Variants in CSMD2 observed in about 807,000 individuals in gnomAD.
CSMD2 encodes the protein CUB and Sushi multiple domains 2, also known as CUB and sushi domain-containing protein 2.
CSMD2 carries 130 observed loss-of-function variants against 398.5 expected under a neutral mutation model. The observed-to-expected ratio is 0.33, with a 90% confidence interval of 0.28 to 0.38. The LOEUF (loss-of-function observed/expected upper bound fraction) is 0.38. Ranked by LOEUF, CSMD2 falls within the 10% of genes least tolerant of loss-of-function variation. The pLI, the probability that CSMD2 is intolerant of heterozygous loss-of-function variation, is 1.00. For missense variants in CSMD2, 3,829 were observed against 4,764.9 expected (o/e 0.80, Z 5.78); for synonymous variants, 1,828 against 1,908.5 (o/e 0.96, Z 1.10).
chr1:33,831,474 C>T lies in CSMD2; in HGVS notation c.1034-5700G>A, dbSNP rs539848693. Among the ~76,000 whole-genome samples, 200 of 152,046 alleles carry T rather than the reference C, an allele frequency of 1.3e-3. 1 individual carries two copies. The highest frequency in any genetic ancestry group is 4.5e-3 in the African/African-American group (188 of 41,468). On this transcript the variant is annotated intron_variant, in intron 6 of 70. Transcript: ENST00000373381. ...ACAAGCAAATGCTGAGAGATTTTGTCACCACCAGGCCTGCCCTAAAAGAGC... is the reference window on the plus strand; with the variant it reads ...ACAAGCAAATGCTGAGAGATTTTGTTACCACCAGGCCTGCCCTAAAAGAGC...
At chr1:33,796,212 A>G (rs991650078) in intron 10 of CSMD2, among the ~76,000 whole-genome samples, 3 of 152,198 alleles carry the variant, frequency 2.0e-5, no homozygotes, top group Non-Finnish European at 4.4e-5. Flanking sequence ...ATGCGATTTC[A>G]TCACTCCAAG....
chr1:34,145,012 G>A (rs1205793191), intron 1 of CSMD2, among the ~76,000 whole-genome samples: 1 of 152,220 alleles, frequency 6.6e-6, no homozygotes, highest in African/African-American at 2.4e-5. Flanking sequence ...GGCCCTTGGG[G>A]GACACCAGAG....
intron 13 of CSMD2, 77 bp from the exon 14 acceptor site, chr1:33,743,683 C>G (rs535962821): frequency 9.5e-7 from 1 of 1,056,942 alleles, no homozygotes; most frequent in Non-Finnish European, 1.4e-6. Flanking sequence ...GCAGGGGGAA[C>G]ATCTTCTTAG....
chr1:33,908,257 C>G (rs1007985308), intron 5 of CSMD2, among the ~76,000 whole-genome samples: 7 of 152,114 alleles, frequency 4.6e-5, no homozygotes, highest in Non-Finnish European at 1.0e-4. Flanking sequence ...GTGGAACAAA[C>G]ATTCATGGCC....
rs562992427 is a variant in CSMD2 at position 33,520,592 on chromosome 1, G to A, written c.10598-642C>T. On this transcript the variant is annotated intron_variant, in intron 68 of 70. Coordinates refer to ENST00000373381, the MANE Select transcript of CSMD2 (RefSeq NM_001281956.2). ...CATCTTGCAGTAGGTGAAGGGTGCT[G>A]TGTGGAAGACAGTGGTCTCAGTCCA... 1.6e-3 allele frequency among the ~76,000 whole-genome samples: 248 copies of A among 152,334 alleles called. 1 individual carries two copies. Among genetic ancestry groups the A allele is most frequent in the African/African-American group, 5.5e-3 (229 of 41,566 alleles).
At chr1:33,740,681 C>T (rs557591460) in intron 14 of CSMD2, among the ~76,000 whole-genome samples, 5 of 152,228 alleles carry the variant, frequency 3.3e-5, no homozygotes, top group African/African-American at 1.2e-4. Flanking sequence ...ACTATGACCA[C>T]GAAGTCACCC....
At chr1:33,855,955 G>A (rs1273517053) in intron 5 of CSMD2, among the ~76,000 whole-genome samples, 2 of 152,206 alleles carry the variant, frequency 1.3e-5, no homozygotes, top group African/African-American at 2.4e-5. Flanking sequence ...CCAGGCCTTC[G>A]GAACCAGACA....
intron 3 of CSMD2, among the ~76,000 whole-genome samples, chr1:34,028,355 G>A (rs898044508): frequency 1.3e-5 from 2 of 152,040 alleles, no homozygotes; most frequent in African/African-American, 4.8e-5. Context: ...TATATTTGGG[G>A]TATACTTACA....
chr1:33,647,192 C>T (rs1016200376), intron 28 of CSMD2, among the ~76,000 whole-genome samples: 1 of 152,206 alleles, frequency 6.6e-6, no homozygotes, highest in Non-Finnish European at 1.5e-5. Flanking sequence ...TCTTACCTGA[C>T]ACTAATGTCC....
chr1:34,135,934 C>T (rs1311450122), intron 1 of CSMD2, among the ~76,000 whole-genome samples: 2 of 152,036 alleles, frequency 1.3e-5, no homozygotes, highest in Admixed American at 6.6e-5. Context: ...GCTTTTTTCA[C>T]CATATGCTCT....
intron 44 of CSMD2, among the ~76,000 whole-genome samples, chr1:33,591,130 A>C (rs926494254): frequency 1.3e-5 from 2 of 151,798 alleles, no homozygotes; most frequent in Non-Finnish European, 2.9e-5. Context: ...CTGGGATTAC[A>C]GGCATGCGCC....
chr1:34,025,133 GGCA>G (rs1234730236), intron 3 of CSMD2, among the ~76,000 whole-genome samples: 1 of 152,156 alleles, frequency 6.6e-6, no homozygotes, highest in African/African-American at 2.4e-5. Flanking sequence ...CAGCAAAACG[GGCA>G]GCTCTGGCTC....
intron 4 of CSMD2, among the ~76,000 whole-genome samples, chr1:33,928,593 G>A (rs1644205409): frequency 6.6e-6 from 1 of 152,238 alleles, no homozygotes; most frequent in South Asian, 2.1e-4. Flanking sequence ...CTCAGCCAGT[G>A]GGTGTAAGTG....
chr1:33,537,053 A>G lies in CSMD2; in HGVS notation c.9848T>C (p.Phe3283Ser). 6.2e-7 allele frequency: 1 copy of G among 1,614,122 alleles called. No individual in the cohort carries two copies. Among genetic ancestry groups the G allele is most frequent in the Non-Finnish European group, 8.5e-7 (1 of 1,180,018 alleles). Residue 3283 changes from phenylalanine (F) to serine (S), a missense_variant, in exon 62 of 71, where the codon TTT becomes TCT. Physicochemically the swap from Phe to Ser is radical, Grantham distance 155. Around this residue, in one of 5 missense-constraint regions of CSMD2, gnomAD observed 917 missense variants for 1,199.5 expected, o/e 0.76. Coordinates refer to ENST00000373381, the MANE Select transcript of CSMD2 (RefSeq NM_001281956.2). This position sits in a 1 kb window ranked among gnomAD's most constrained non-coding sequence, Gnocchi z 4.6. Reference sequence around the variant, plus strand: ...GCCCTGAGAATTGTTCTGTATCCCAAACTGTGGCACACCAGGGTCCGCACA... The same window carrying G: ...GCCCTGAGAATTGTTCTGTATCCCAGACTGTGGCACACCAGGGTCCGCACA... ...TTCADPGVPQ[F>S]GIQNNSQGYQ...
intron 53 of CSMD2, among the ~76,000 whole-genome samples, chr1:33,563,297 G>T (rs1330868881): frequency 6.6e-6 from 1 of 152,078 alleles, no homozygotes; most frequent in Non-Finnish European, 1.5e-5. Context: ...AGAGGATTAA[G>T]AATAGACTAA....
At chr1:33,736,660 C>T (rs576602006) in intron 15 of CSMD2, among the ~76,000 whole-genome samples, 9 of 152,130 alleles carry the variant, frequency 5.9e-5, no homozygotes, top group Non-Finnish European at 1.0e-4. Context: ...CTGAGGGTTC[C>T]TCAGAGCAGT....
intron 6 of CSMD2, among the ~76,000 whole-genome samples, chr1:33,828,848 A>C (rs1176619968): frequency 6.6e-6 from 1 of 152,202 alleles, no homozygotes; most frequent in African/African-American, 2.4e-5. Flanking sequence ...GGCTGCTTCT[A>C]GTAATGGATG....
chr1:34,099,854 A>T (rs544434857), intron 1 of CSMD2, among the ~76,000 whole-genome samples: 96 of 152,264 alleles, frequency 6.3e-4, no homozygotes, highest in African/African-American at 2.3e-3. Flanking sequence ...TTCAATAAGT[A>T]TTTGCTGAAT....
At chr1:33,966,258 A>C (rs554508576) in intron 3 of CSMD2, among the ~76,000 whole-genome samples, 1 of 152,178 alleles carries the variant, frequency 6.6e-6, no homozygotes, top group Admixed American at 6.5e-5. Context: ...TTCTAGGCCA[A>C]CCTTGATCTC....
Sources: gnomAD v4.1 joint callset for allele counts (sites outside exome capture counted in the v4.1 genomes callset) on GRCh38, gnomAD v4.1.1 for gene constraint, gnomAD v4.1.1 regional missense constraint, Gnocchi (gnomAD v3.1) non-coding constraint, MANE v1.5 for transcripts, NCBI Gene and HGNC (gene_info 2026-07-23, HGNC 2026-07-21) for gene names.